The following FKBP3 variants were observed in gnomAD, a reference collection of about 807,000 sequenced individuals.
FKBP3 encodes FKBP prolyl isomerase 3, also known as peptidyl-prolyl cis-trans isomerase FKBP3.
FKBP3 carries 21 observed loss-of-function variants against 30.6 expected under a neutral mutation model. The ratio of observed to expected loss-of-function variants is 0.69; its 90% CI spans 0.49 to 0.99. The LOEUF (loss-of-function observed/expected upper bound fraction) is 0.99. FKBP3 is among the 50% of genes least tolerant of loss of function. FKBP3 has a pLI of 0.00. For synonymous variants in FKBP3, 82 were observed against 91.3 expected (o/e 0.90, Z 0.58); for missense variants, 283 against 261.6 (o/e 1.08, Z -0.56).
chr14:45,118,276 C>A, intron 5 of FKBP3, 151 bp from the exon 6 acceptor site: 1 of 510,102 alleles, frequency 2.0e-6, no homozygotes, highest in Non-Finnish European at 3.4e-6. Flanking sequence ...TTCAGTGAGT[C>A]CCTAAATCTT....
chr14:45,117,362 T>A (rs900386676), intron 6 of FKBP3, among the ~76,000 whole-genome samples: 6 of 152,244 alleles, frequency 3.9e-5, no homozygotes, highest in Admixed American at 6.5e-5. Context: ...CCCAAAGGAC[T>A]TGTTTTTTCA....
chr14:45,121,468 A>T lies in FKBP3; in HGVS notation c.454+17T>A. On this transcript the variant is annotated intron_variant, in intron 4 of 6. Transcript: ENST00000396062. ...AATCTCTTTAAGCCAAAAACATAAG[A>T]TTCCATTTAGACTTACTTGTTTGAA... is the stretch of plus-strand genomic sequence containing the variant. The T allele has an allele frequency of 6.2e-7, 1 of 1,604,216 alleles. No homozygotes were observed. Among genetic ancestry groups the T allele is most frequent in the South Asian group, 1.1e-5 (1 of 90,226 alleles).
At chr14:45,122,291 GA>G (rs1438357171) in intron 3 of FKBP3, among the ~76,000 whole-genome samples, 2 of 152,082 alleles carry the variant, frequency 1.3e-5, no homozygotes, top group Non-Finnish European at 2.9e-5. Flanking sequence ...AAAAAAAGAA[GA>G]AGTGTACCGA....
chr14:45,134,189 G>A (rs764954372), intron 1 of FKBP3, among the ~76,000 whole-genome samples, 160 bp downstream of exon 1: 2 of 152,206 alleles, frequency 1.3e-5, no homozygotes, highest in Non-Finnish European at 2.9e-5. Flanking sequence ...AGGCGGGAGC[G>A]AGGCACCAAA....
chr14:45,129,127 C>T (rs1219411391), intron 3 of FKBP3, among the ~76,000 whole-genome samples: 9 of 152,180 alleles, frequency 5.9e-5, no homozygotes, highest in African/African-American at 2.2e-4. Flanking sequence ...TCATCAATAG[C>T]CTCACCTCTT....
chr14:45,131,475 T>C (rs1330161837), intron 1 of FKBP3, among the ~76,000 whole-genome samples: 2 of 151,612 alleles, frequency 1.3e-5, no homozygotes, highest in African/African-American at 4.8e-5. Flanking sequence ...CTACTAAAAA[T>C]ACAAAATTTA....
intron 3 of FKBP3, 34 bp downstream of exon 3, chr14:45,129,760 A>G: frequency 7.7e-7 from 1 of 1,294,278 alleles, no homozygotes; most frequent in Non-Finnish European, 1.1e-6. Flanking sequence ...TCTAGACTCC[A>G]CATGATAAAA....
intron 1 of FKBP3, chr14:45,133,395 A>G: frequency 8.1e-6 from 2 of 245,838 alleles, no homozygotes; most frequent in Non-Finnish European, 9.0e-6. Context: ...TGAACCCGGG[A>G]GGCGGAGGTT....
chr14:45,132,324 ATCTCTT>A (rs972813067), intron 1 of FKBP3, among the ~76,000 whole-genome samples: 5 of 152,154 alleles, frequency 3.3e-5, no homozygotes, highest in African/African-American at 1.2e-4. Context: ...AAGCATAAAC[ATCTCTT>A]TGATATCTTA....
At chr14:45,119,565 G>A (rs946123913) in intron 5 of FKBP3, among the ~76,000 whole-genome samples, 14 of 151,044 alleles carry the variant, frequency 9.3e-5, no homozygotes, top group South Asian at 6.3e-4. Flanking sequence ...GCAAAACTCC[G>A]TCTCAAAAAA....
chr14:45,130,899 G>A (rs1885199027), intron 1 of FKBP3, 99 bp from the exon 2 acceptor site: 1 of 636,368 alleles, frequency 1.6e-6, no homozygotes, highest in East Asian at 2.8e-5. Context: ...TGTGTTTTCA[G>A]TAGTACTAGT....
At chr14:45,129,391 A>G (rs997974913) in intron 3 of FKBP3, among the ~76,000 whole-genome samples, 1 of 152,214 alleles carries the variant, frequency 6.6e-6, no homozygotes, top group African/African-American at 2.4e-5. Context: ...CACATCCTGC[A>G]GCCAAGCCTG....
chr14:45,130,320 A>G (rs1164695227), intron 2 of FKBP3, among the ~76,000 whole-genome samples: 1 of 152,262 alleles, frequency 6.6e-6, no homozygotes, highest in Non-Finnish European at 1.5e-5. Flanking sequence ...TAAATTCATT[A>G]GTGAAATGGA....
intron 3 of FKBP3, among the ~76,000 whole-genome samples, chr14:45,125,334 A>G (rs150477252): frequency 2.0e-4 from 31 of 152,376 alleles, no homozygotes; most frequent in African/African-American, 7.0e-4. Flanking sequence ...GGTTTAGACC[A>G]GGGTGCTAAC....
chr14:45,127,556 T>A (rs984763931), intron 3 of FKBP3, among the ~76,000 whole-genome samples: 3 of 152,196 alleles, frequency 2.0e-5, no homozygotes, highest in Non-Finnish European at 4.4e-5. Flanking sequence ...CATTCTTTTT[T>A]AAAAAAGAAA....
At position 45,129,848 on chromosome 14, in the gene FKBP3, C is replaced by T. The variant is rs769272889; in HGVS notation, c.264G>A (p.Val88=). ...CTTTGGGTTTATCTTCATTAAGCTT[C>T]ACATTTTTTACTTGCTCAGACACTT... ...ISKVSEQVKN[V]KLNEDKPKET... Residue 88 remains valine (V), a synonymous_variant, in exon 3 of 7, where the codon GTG becomes GTA. Transcript: ENST00000396062. 6.2e-7 allele frequency: 1 copy of T among 1,613,132 alleles called. No homozygotes were observed. The highest frequency in any genetic ancestry group is 8.5e-7 in the Non-Finnish European group (1 of 1,179,502).
Position 45,131,144 on chromosome 14 carries a change from G to A in FKBP3, c.109-344C>T, listed in dbSNP as rs956193679. Reference sequence around the variant, plus strand: ...GCTGCTCACTGCAGGAGGATACTTGGGTGCAGCCCTTGAGAGCCTCCAGCC... The same window carrying A: ...GCTGCTCACTGCAGGAGGATACTTGAGTGCAGCCCTTGAGAGCCTCCAGCC... On this transcript the variant is annotated intron_variant, in intron 1 of 6. Transcript: ENST00000396062. The A allele has an allele frequency of 5.9e-4, 99 of 168,246 alleles. 1 individual carries two copies. The highest frequency in any genetic ancestry group is 2.3e-3 in the African/African-American group (97 of 42,118). The allele number at this position is 168,246 out of a possible 1,614,324, so 10.4% of individuals were successfully genotyped here. A position where few individuals can be genotyped will look rare whatever the true frequency, so the allele number is the denominator to read the frequency against.
chr14:45,125,785 C>T (rs973014701), intron 3 of FKBP3, among the ~76,000 whole-genome samples: 8 of 151,452 alleles, frequency 5.3e-5, no homozygotes, highest in African/African-American at 1.7e-4. Flanking sequence ...TTAAAGGGAG[C>T]ACAGAAGTGA....
At chr14:45,116,313 A>G in intron 6 of FKBP3, 61 bp from the exon 7 acceptor site, 3 of 1,190,182 alleles carry the variant, frequency 2.5e-6, no homozygotes, top group Non-Finnish European at 3.8e-6. Context: ...CCATAACCTT[A>G]GTGTAGGATA....
Sources: allele counts gnomAD v4.1 joint callset (sites outside exome capture counted in the v4.1 genomes callset), GRCh38; gene constraint gnomAD v4.1.1; transcripts MANE v1.5; gene names NCBI Gene and HGNC (gene_info 2026-07-23, HGNC 2026-07-21).